The following CENPW variants were observed in gnomAD, a reference collection of about 807,000 sequenced individuals.
CENPW encodes the protein centromere protein W, also known as cancer-up-regulated gene 2 protein.
In CENPW, 3 loss-of-function variants were observed where a neutral mutation model predicts 11.1. That is an observed-to-expected ratio of 0.27 (90% CI 0.12 to 0.70). CENPW has a LOEUF of 0.70. Ranked by LOEUF, CENPW falls within the 30% of genes least tolerant of loss-of-function variation. The pLI is 0.77. For synonymous variants in CENPW, 38 were observed against 42.0 expected (o/e 0.91, Z 0.37); for missense variants, 100 against 105.6 (o/e 0.95, Z 0.23).
At chr6:126,342,166 C>A (rs1243542821) in intron 1 of CENPW, among the ~76,000 whole-genome samples, 1 of 152,148 alleles carries the variant, frequency 6.6e-6, no homozygotes, top group Non-Finnish European at 1.5e-5. Context: ...TAGCATTAAA[C>A]TACACCTGAA....
chr6:126,478,585 C>T, the CENPW span, among the ~76,000 whole-genome samples: 2 of 151,964 alleles, frequency 1.3e-5, no homozygotes, highest in South Asian at 4.1e-4. Context: ...CCAGTTTTGT[C>T]AGTGACAAAG....
chr6:126,352,286 G>T (rs1379650179), downstream of CENPW, among the ~76,000 whole-genome samples: 1 of 152,112 alleles, frequency 6.6e-6, no homozygotes, highest in African/African-American at 2.4e-5. Context: ...CTTTACAGAA[G>T]AAGTTTGCTG....
the CENPW span, among the ~76,000 whole-genome samples, chr6:126,467,403 TACTC>T: frequency 6.6e-6 from 1 of 152,126 alleles, no homozygotes; most frequent in Non-Finnish European, 1.5e-5. Context: ...AAGTACTTCT[TACTC>T]AATAACGGTG....
At chr6:126,465,644 G>T in the CENPW span, among the ~76,000 whole-genome samples, 3 of 151,968 alleles carry the variant, frequency 2.0e-5, no homozygotes, top group African/African-American at 7.2e-5. Flanking sequence ...AATCAAAACA[G>T]TATGTTTTTG....
chr6:126,415,699 T>C, the CENPW span, among the ~76,000 whole-genome samples: 1 of 152,112 alleles, frequency 6.6e-6, no homozygotes, highest in African/African-American at 2.4e-5. Context: ...TCACAAGATC[T>C]GATGGTTTTA....
the CENPW span, among the ~76,000 whole-genome samples, chr6:126,362,166 G>C: frequency 1.4e-4 from 21 of 152,306 alleles, no homozygotes; most frequent in African/African-American, 4.8e-4. Context: ...CCCTTTCCTG[G>C]CTTGGTAGTC....
the CENPW span, among the ~76,000 whole-genome samples, chr6:126,406,617 G>C: frequency 9.2e-5 from 14 of 152,088 alleles, no homozygotes; most frequent in Admixed American, 9.2e-4. Context: ...ACTTTGGGAG[G>C]CTGAGGTGGG....
the CENPW span, among the ~76,000 whole-genome samples, chr6:126,373,667 C>T: frequency 2.0e-5 from 3 of 152,212 alleles, no homozygotes; most frequent in African/African-American, 7.2e-5. Flanking sequence ...CAAGTGGACT[C>T]AGTCTCCCAG....
chr6:126,362,262 A>T, the CENPW span, among the ~76,000 whole-genome samples: 1 of 152,138 alleles, frequency 6.6e-6, no homozygotes, highest in African/African-American at 2.4e-5. Context: ...CACCCTATGC[A>T]CAAAAGCTCA....
chr6:126,391,776 A>G, the CENPW span, among the ~76,000 whole-genome samples: 1 of 151,730 alleles, frequency 6.6e-6, no homozygotes, highest in African/African-American at 2.4e-5. Flanking sequence ...AAATGAGTTC[A>G]CTGTAGATGT....
chr6:126,459,925 T>C, the CENPW span, among the ~76,000 whole-genome samples: 1 of 151,588 alleles, frequency 6.6e-6, no homozygotes, highest in African/African-American at 2.4e-5. Flanking sequence ...CTTCCTTTTT[T>C]TTTTAAGGAA....
the CENPW span, among the ~76,000 whole-genome samples, chr6:126,363,321 A>G: frequency 6.6e-6 from 1 of 152,202 alleles, no homozygotes; most frequent in Non-Finnish European, 1.5e-5. Flanking sequence ...ATAGTTTTTT[A>G]AAAAATGGAA....
downstream of CENPW, among the ~76,000 whole-genome samples, chr6:126,352,987 T>C (rs1271078976): frequency 6.6e-6 from 1 of 152,082 alleles, no homozygotes; most frequent in Non-Finnish European, 1.5e-5. Flanking sequence ...ATATAAACTT[T>C]TACTAAAGAT....
chr6:126,460,792 G>A, the CENPW span, among the ~76,000 whole-genome samples: 1 of 151,736 alleles, frequency 6.6e-6, no homozygotes, highest in African/African-American at 2.4e-5. Flanking sequence ...GTGGGAAATG[G>A]TCTGTAAACT....
At chr6:126,416,563 G>T in the CENPW span, among the ~76,000 whole-genome samples, 1 of 152,156 alleles carries the variant, frequency 6.6e-6, no homozygotes, top group Non-Finnish European at 1.5e-5. Context: ...GTAGTTTTGT[G>T]GACTGGGTCC....
chr6:126,416,347 C>A, the CENPW span, among the ~76,000 whole-genome samples: 1 of 152,032 alleles, frequency 6.6e-6, no homozygotes, highest in Non-Finnish European at 1.5e-5. Context: ...AAGCAGAGCA[C>A]AAAAGTTTGG....
the CENPW span, among the ~76,000 whole-genome samples, chr6:126,380,000 C>G: frequency 6.6e-6 from 1 of 152,166 alleles, no homozygotes; most frequent in Non-Finnish European, 1.5e-5. Context: ...TAAATTGAAT[C>G]AAGCTTCATT....
chr6:126,451,462 T>C, the CENPW span, among the ~76,000 whole-genome samples: 1 of 151,150 alleles, frequency 6.6e-6, no homozygotes, highest in Non-Finnish European at 1.5e-5. Flanking sequence ...GGAAAAGCCC[T>C]CTAGTTCCAG....
the CENPW span, among the ~76,000 whole-genome samples, chr6:126,449,852 A>G: frequency 2.0e-5 from 3 of 151,234 alleles, no homozygotes; most frequent in Non-Finnish European, 3.0e-5. Context: ...AGGGTAAACT[A>G]AAAGAAAATG....
Sources: allele counts gnomAD v4.1 joint callset (sites outside exome capture counted in the v4.1 genomes callset), GRCh38; gene constraint gnomAD v4.1.1; transcripts MANE v1.5; gene names NCBI Gene and HGNC (gene_info 2026-07-23, HGNC 2026-07-21).